Variants in SLCO1B3 observed in about 807,000 individuals in gnomAD.
SLCO1B3 encodes the protein solute carrier organic anion transporter family member 1B3, also known as liver-specific organic anion transporter 2.
In SLCO1B3, 72 loss-of-function variants were observed where a neutral mutation model predicts 71.8. That is an observed-to-expected ratio of 1.00 (90% CI 0.83 to 1.22). SLCO1B3 has a LOEUF of 1.22. Ranked by LOEUF, SLCO1B3 falls within the 50% of genes most tolerant of loss-of-function variation. The pLI is 0.00. For missense variants in SLCO1B3, 911 were observed against 819.7 expected (o/e 1.11, Z -1.36); for synonymous variants, 298 against 278.4 (o/e 1.07, Z -0.70).
intron 15 of SLCO1B3, among the ~76,000 whole-genome samples, chr12:20,907,595 G>A (rs1426899580): frequency 1.4e-5 from 2 of 146,492 alleles, no homozygotes; most frequent in East Asian, 2.0e-4. Flanking sequence ...TGCAACCTCC[G>A]ACTCCTGGGT....
At chr12:20,904,985 G>A (rs1316127573) in intron 15 of SLCO1B3, among the ~76,000 whole-genome samples, 1 of 151,904 alleles carries the variant, frequency 6.6e-6, no homozygotes, top group African/African-American at 2.4e-5. Context: ...TGTTGGCCAG[G>A]CTGGTCATCC....
At chr12:20,811,797 A>G (rs948219160) in intron 1 of SLCO1B3, among the ~76,000 whole-genome samples, 1 of 152,210 alleles carries the variant, frequency 6.6e-6, no homozygotes, top group Non-Finnish European at 1.5e-5. Context: ...AATATATTAA[A>G]CGCTTCTAAA....
intron 12 of SLCO1B3, 140 bp downstream of exon 12, chr12:20,881,160 G>C (rs547413046): frequency 3.5e-6 from 2 of 578,638 alleles, no homozygotes; most frequent in Non-Finnish European, 5.8e-6. Flanking sequence ...ATCTGTCCTC[G>C]TGATAGCTGT....
chr12:20,911,661 G>A (rs139178068), intron 15 of SLCO1B3, among the ~76,000 whole-genome samples: 1 of 152,124 alleles, frequency 6.6e-6, no homozygotes, highest in African/African-American at 2.4e-5. Flanking sequence ...TGTGAATTCA[G>A]GTAGATTGTA....
chr12:20,882,315 C>T (rs1039448167), intron 12 of SLCO1B3, among the ~76,000 whole-genome samples: 5 of 152,130 alleles, frequency 3.3e-5, no homozygotes, highest in Non-Finnish European at 5.9e-5. Flanking sequence ...AATGTGCTTG[C>T]TCCATAAAAG....
At chr12:20,875,073 A>C (rs963788094) in intron 8 of SLCO1B3, among the ~76,000 whole-genome samples, 162 bp from the exon 9 acceptor site, 1 of 152,208 alleles carries the variant, frequency 6.6e-6, no homozygotes, top group Non-Finnish European at 1.5e-5. Flanking sequence ...AGTTTCAGAG[A>C]TAACAAAATA....
chr12:20,893,864 A>T (rs1288356344), intron 13 of SLCO1B3, among the ~76,000 whole-genome samples: 1 of 152,194 alleles, frequency 6.6e-6, no homozygotes, highest in Non-Finnish European at 1.5e-5. Context: ...TAAGTTTATG[A>T]CAAACAAAAC....
intron 5 of SLCO1B3, 85 bp downstream of exon 5, chr12:20,858,656 C>A: frequency 7.7e-7 from 1 of 1,296,474 alleles, no homozygotes; most frequent in Non-Finnish European, 1.1e-6. Flanking sequence ...TGTAAGTGGG[C>A]AGTTACCTTT....
chr12:20,909,631 A>C (rs1866333741), intron 15 of SLCO1B3, among the ~76,000 whole-genome samples: 1 of 152,128 alleles, frequency 6.6e-6, no homozygotes, highest in African/African-American at 2.4e-5. Context: ...CCTTTTGAAA[A>C]TATTTTCTCT....
At chr12:20,824,769 A>G (rs891366654) in intron 3 of SLCO1B3, among the ~76,000 whole-genome samples, 1 of 152,180 alleles carries the variant, frequency 6.6e-6, no homozygotes, top group East Asian at 1.9e-4. Flanking sequence ...AAATAAGTCA[A>G]ATATGTCTCT....
chr12:20,854,932 G>T, intron 3 of SLCO1B3, 96 bp from the exon 4 acceptor site: 6 of 1,136,156 alleles, frequency 5.3e-6, no homozygotes, highest in South Asian at 1.4e-5. Flanking sequence ...TAATGTTTTC[G>T]AGTAAAGAAG....
At chr12:20,895,673 A>G (rs1399964426) in intron 13 of SLCO1B3, among the ~76,000 whole-genome samples, 1 of 152,078 alleles carries the variant, frequency 6.6e-6, no homozygotes, top group Non-Finnish European at 1.5e-5. Flanking sequence ...TGAATGGTGC[A>G]AGCTGTCGGT....
In SLCO1B3 at chr12:20,915,251, CTCTA is replaced by C. The variant is rs760908890; in HGVS notation, c.1866-748_1866-745del. On this transcript the variant is annotated intron_variant, in intron 15 of 15. Transcript: ENST00000381545. ...CTTAGAGATTGTTTCCTCAGCAGTG[CTCTA>C]TCTAATAATAAATCCATGAAGGCAT... Among the ~76,000 whole-genome samples the C allele has an allele frequency of 1.6e-4, 25 of 151,960 alleles. No individual in the cohort carries two copies. In the East Asian group the frequency reaches 4.8e-3, roughly 29 times the overall value.
rs970310959 is a variant in SLCO1B3 at position 20,901,873 on chromosome 12, A to G, written c.1865+406A>G. Reference sequence around the variant, plus strand: ...TAATTGAGGAAAGAAATGGAAAAACAAAGTTTCATTACTCTTCTATTCATA... The same window carrying G: ...TAATTGAGGAAAGAAATGGAAAAACGAAGTTTCATTACTCTTCTATTCATA... On this transcript the variant is annotated intron_variant, in intron 15 of 15. Transcript: ENST00000381545. 2.8e-5 allele frequency: 12 copies of G among 435,880 alleles called. 1 individual carries two copies. In the Admixed American group the frequency reaches 3.0e-4, roughly 11 times the overall value. 27.0% of individuals were successfully genotyped at this position (435,880 alleles called of 1,614,324 possible).
At chr12:20,907,564 A>C (rs1204542654) in intron 15 of SLCO1B3, among the ~76,000 whole-genome samples, 1 of 142,960 alleles carries the variant, frequency 7.0e-6, no homozygotes, top group East Asian at 2.1e-4. Context: ...GCTGGAGTGC[A>C]GTAGCGAAAT....
intron 15 of SLCO1B3, among the ~76,000 whole-genome samples, chr12:20,909,957 A>T (rs932336948): frequency 2.6e-5 from 4 of 152,194 alleles, no homozygotes; most frequent in African/African-American, 9.6e-5. Context: ...TAACTGTTTT[A>T]TTCAGAGGTT....
At chr12:20,844,551 G>C (rs1864869543) in intron 3 of SLCO1B3, among the ~76,000 whole-genome samples, 1 of 151,970 alleles carries the variant, frequency 6.6e-6, no homozygotes, top group Non-Finnish European at 1.5e-5. Context: ...CTGGTTGACA[G>C]AGCAAGCATC....
rs373786813 is a variant in SLCO1B3, at chr12:20,826,947, G to T, written c.84+11125G>T. Among the ~76,000 whole-genome samples, 4 of 151,952 alleles carry T rather than the reference G, an allele frequency of 2.6e-5. No individual in the cohort carries two copies. In the East Asian group the frequency reaches 7.7e-4, roughly 29 times the overall value. On this transcript the variant is annotated intron_variant, in intron 3 of 15. Transcript: ENST00000381545. ...AGATACTTAATGTAACATAACTTTA[G>T]ATTATAAATGGTCATCATTTAAAGT...
chr12:20,814,128 C>CATAAATATGTGTTATGCATA (rs1244103704), intron 2 of SLCO1B3, among the ~76,000 whole-genome samples: 1 of 152,028 alleles, frequency 6.6e-6, no homozygotes, highest in East Asian at 1.9e-4. Context: ...TGCTTATATA[C>CATAAATATGTGTTATGCATA]TTTATATACA....
Sources: gnomAD v4.1 joint callset for allele counts (sites outside exome capture counted in the v4.1 genomes callset) on GRCh38, gnomAD v4.1.1 for gene constraint, MANE v1.5 for transcripts, NCBI Gene and HGNC (gene_info 2026-07-23, HGNC 2026-07-21) for gene names.